Variants in STXBP5L observed in about 807,000 individuals in gnomAD.
The protein encoded by STXBP5L is syntaxin-binding protein 5-like.
Under a neutral mutation model 144.5 loss-of-function variants are expected in STXBP5L, and 65 were observed. The ratio of observed to expected loss-of-function variants is 0.45; its 90% CI spans 0.37 to 0.55. The LOEUF is 0.55. Among genes scored for constraint, STXBP5L ranks in the 20% least tolerant of loss-of-function variants. STXBP5L has a pLI of 0.00. For missense variants in STXBP5L, 1,298 were observed against 1,405.5 expected (o/e 0.92, Z 1.22); for synonymous variants, 505 against 469.6 (o/e 1.08, Z -0.97).
At chr3:120,991,267 A>G (rs1942838922) in intron 3 of STXBP5L, among the ~76,000 whole-genome samples, 2 of 151,724 alleles carry the variant, frequency 1.3e-5, no homozygotes, top group Admixed American at 1.3e-4. Context: ...AATGCAAATC[A>G]AAACCACAAT....
At chr3:121,288,072 G>C (rs2051294496) in intron 19 of STXBP5L, among the ~76,000 whole-genome samples, 1 of 152,180 alleles carries the variant, frequency 6.6e-6, no homozygotes, top group Admixed American at 6.5e-5. Context: ...ATTTAGAGTA[G>C]CCAAAACAGC....
intron 25 of STXBP5L, among the ~76,000 whole-genome samples, chr3:121,417,765 A>G (rs2047272845): frequency 6.6e-6 from 1 of 152,240 alleles, no homozygotes; most frequent in Admixed American, 6.5e-5. Flanking sequence ...GTGCCCAGCC[A>G]CAAATTTTTA....
intron 19 of STXBP5L, among the ~76,000 whole-genome samples, chr3:121,287,691 T>A (rs12491389): frequency 0.094 from 14,319 of 151,638 alleles, 1,056 homozygotes; most frequent in Admixed American, 0.2. Flanking sequence ...TAGCTGGGCG[T>A]GGTGGCGGGC....
At chr3:120,954,364 A>G (rs1937788135) in intron 2 of STXBP5L, among the ~76,000 whole-genome samples, 2 of 152,094 alleles carry the variant, frequency 1.3e-5, no homozygotes, top group Admixed American at 1.3e-4. Context: ...AAGTTTCTTC[A>G]TATTCCTTCC....
At chr3:121,054,510 G>A (rs1195187953) in intron 5 of STXBP5L, among the ~76,000 whole-genome samples, 1 of 147,344 alleles carries the variant, frequency 6.8e-6, no homozygotes, top group East Asian at 2.0e-4. Flanking sequence ...AACACCGCAT[G>A]TTCTCATTCA....
intron 3 of STXBP5L, among the ~76,000 whole-genome samples, chr3:120,989,839 A>G (rs775891201): frequency 1.3e-5 from 2 of 152,160 alleles, no homozygotes; most frequent in Non-Finnish European, 2.9e-5. Context: ...CCATATACCC[A>G]CAGCCAATAT....
chr3:120,993,650 AT>A (rs764088818), intron 3 of STXBP5L, among the ~76,000 whole-genome samples: 3 of 152,046 alleles, frequency 2.0e-5, no homozygotes, highest in East Asian at 3.9e-4. Flanking sequence ...GTTCTGTTCC[AT>A]TGGTCTACAT....
At chr3:121,397,175 G>T (rs190213385) in intron 22 of STXBP5L, among the ~76,000 whole-genome samples, 34 of 152,290 alleles carry the variant, frequency 2.2e-4, no homozygotes, top group African/African-American at 7.5e-4. Flanking sequence ...AATGCAAACC[G>T]TTCACATTCT....
intron 9 of STXBP5L, among the ~76,000 whole-genome samples, chr3:121,196,172 T>G (rs1263554373): frequency 6.6e-6 from 1 of 152,116 alleles, no homozygotes; most frequent in Admixed American, 6.6e-5. Flanking sequence ...AATTCTTTTT[T>G]TTTTTTTAAG....
At chr3:121,415,777 A>C in intron 24 of STXBP5L, 80 bp from the exon 25 acceptor site, 1 of 903,826 alleles carries the variant, frequency 1.1e-6, no homozygotes, top group Non-Finnish European at 1.7e-6. Context: ...GATGTGTCCT[A>C]CTATATCACA....
At chr3:120,972,278 G>C (rs969087662) in intron 3 of STXBP5L, among the ~76,000 whole-genome samples, 3 of 151,924 alleles carry the variant, frequency 2.0e-5, no homozygotes, top group Non-Finnish European at 4.4e-5. Context: ...TCCTTGTAGA[G>C]ATCTTTCACC....
chr3:121,324,052 G>A (rs560316682), intron 20 of STXBP5L, among the ~76,000 whole-genome samples: 2 of 152,248 alleles, frequency 1.3e-5, no homozygotes, highest in African/African-American at 4.8e-5. Flanking sequence ...GCTGCTACCT[G>A]TGTAGACATT....
chr3:121,175,082 C>T (rs2108077747), intron 9 of STXBP5L, among the ~76,000 whole-genome samples: 1 of 152,246 alleles, frequency 6.6e-6, no homozygotes, highest in Middle Eastern at 3.4e-3. Context: ...TAAGAGAACA[C>T]TGTATCTACT....
intron 8 of STXBP5L, among the ~76,000 whole-genome samples, chr3:121,155,360 A>G (rs891992915): frequency 2.0e-5 from 3 of 151,778 alleles, no homozygotes; most frequent in Non-Finnish European, 4.4e-5. Flanking sequence ...CCTCTTCTGT[A>G]TATCAAAATT....
At chr3:121,050,378 A>T (rs544388176) in intron 5 of STXBP5L, among the ~76,000 whole-genome samples, 1 of 152,320 alleles carries the variant, frequency 6.6e-6, no homozygotes, top group South Asian at 2.1e-4. Flanking sequence ...AGGATATCAA[A>T]AAACTTTAAG....
chr3:121,358,425 T>C lies in STXBP5L; in HGVS notation c.2177-20291T>C, dbSNP rs1332671345. ...GAAAACTTATACTCATGGTGGACAG[T>C]GAAGGGGAAGCGAGGCATGTCTTCT... On this transcript the variant is annotated intron_variant, in intron 20 of 26. Coordinates refer to ENST00000471454, the MANE Select transcript of STXBP5L (RefSeq NM_001308330.2). Among the ~76,000 whole-genome samples the C allele has an allele frequency of 2.0e-5, 3 of 152,098 alleles. No homozygotes were observed. In the East Asian group the frequency reaches 5.8e-4, roughly 29 times the overall value.
chr3:121,348,353 G>C (rs113815423), intron 20 of STXBP5L, among the ~76,000 whole-genome samples: 18,326 of 152,130 alleles, frequency 0.12, 1,180 homozygotes, highest in Non-Finnish European at 0.14. Flanking sequence ...GCTGGATTCG[G>C]TTTGCCAGTA....
At chr3:121,189,733 A>G (rs2047559164) in intron 9 of STXBP5L, among the ~76,000 whole-genome samples, 1 of 152,130 alleles carries the variant, frequency 6.6e-6, no homozygotes, top group Non-Finnish European at 1.5e-5. Flanking sequence ...TGAACTTTAA[A>G]ATAGTTTTTT....
intron 3 of STXBP5L, among the ~76,000 whole-genome samples, chr3:120,981,699 C>T (rs1941789375): frequency 6.6e-6 from 1 of 152,082 alleles, no homozygotes; most frequent in African/African-American, 2.4e-5. Context: ...GAATAAGATC[C>T]ATTGCTAGAA....
Sources: allele counts gnomAD v4.1 joint callset (sites outside exome capture counted in the v4.1 genomes callset), GRCh38; gene constraint gnomAD v4.1.1; transcripts MANE v1.5; gene names NCBI Gene and HGNC (gene_info 2026-07-23, HGNC 2026-07-21).